The following MYRIP variants were observed in gnomAD, a reference collection of about 807,000 sequenced individuals.
MYRIP encodes myosin VIIA and Rab interacting protein, also known as rab effector MyRIP.
Under a neutral mutation model 98.0 loss-of-function variants are expected in MYRIP, and 49 were observed. The observed-to-expected ratio is 0.50, with a 90% CI of 0.40 to 0.63. MYRIP has a LOEUF of 0.63. MYRIP is among the 30% of genes least tolerant of loss of function. MYRIP has a pLI of 0.00. For synonymous variants in MYRIP, 404 were observed against 409.5 expected (o/e 0.99, Z 0.16); for missense variants, 1,004 against 1,058.2 (o/e 0.95, Z 0.71).
rs150545792 is a variant in MYRIP, at chr3:40,250,626, T to C, written c.2428+127T>C. 4.8e-3 allele frequency: 5,421 copies of C among 1,129,700 alleles called. 25 individuals carry two copies. The highest frequency in any genetic ancestry group is 6.4e-3 in the Non-Finnish European group (5,053 of 784,426). The allele number at this position is 1,129,700 out of a possible 1,614,324, so 70.0% of individuals were successfully genotyped here. A position where few individuals can be genotyped will look rare whatever the true frequency, so the allele number is the denominator to read the frequency against. ...GTTCTCACACAGAATTGCTCTTGTC[T>C]ATCTTGATTTGGGTCCCCCCAGAAG... On this transcript the variant is annotated intron_variant, in intron 15 of 16. Coordinates refer to ENST00000302541, the MANE Select transcript of MYRIP (RefSeq NM_015460.4).
At chr3:39,935,735 G>T (rs1944641110) in intron 2 of MYRIP, among the ~76,000 whole-genome samples, 1 of 152,124 alleles carries the variant, frequency 6.6e-6, no homozygotes, top group African/African-American at 2.4e-5. Context: ...TGATGTCAAG[G>T]ACAAGCAGGA....
intron 1 of MYRIP, among the ~76,000 whole-genome samples, chr3:39,899,266 T>C (rs1409362301): frequency 1.3e-5 from 2 of 152,210 alleles, no homozygotes; most frequent in Admixed American, 6.5e-5. Context: ...CTCAACATTA[T>C]GTTAAGATTT....
At chr3:40,121,420 A>G (rs1036485522) in intron 3 of MYRIP, among the ~76,000 whole-genome samples, 3 of 151,926 alleles carry the variant, frequency 2.0e-5, no homozygotes, top group African/African-American at 7.3e-5. Flanking sequence ...TAAGGCAAGC[A>G]TTTTGACAAC....
At chr3:40,218,609 A>ATATTT (rs1434916839) in intron 11 of MYRIP, among the ~76,000 whole-genome samples, 15 of 127,388 alleles carry the variant, frequency 1.2e-4, no homozygotes, top group Middle Eastern at 3.8e-3. Context: ...ATATATATAT[A>ATATTT]TTTTATATAT....
At chr3:40,197,205 G>A (rs759826508) in intron 10 of MYRIP, among the ~76,000 whole-genome samples, 7 of 152,060 alleles carry the variant, frequency 4.6e-5, no homozygotes, top group South Asian at 2.1e-4. Flanking sequence ...CACAAGTCTC[G>A]TCCCTCACAT....
At chr3:39,901,056 T>C in intron 2 of MYRIP, 130 bp downstream of exon 2, 2 of 640,968 alleles carry the variant, frequency 3.1e-6, no homozygotes, top group Admixed American at 5.9e-5. Context: ...GAATGTCCTG[T>C]CCTTTGTAGA....
intron 1 of MYRIP, among the ~76,000 whole-genome samples, chr3:39,849,488 T>G (rs1942062944): frequency 1.3e-5 from 2 of 152,184 alleles, no homozygotes; most frequent in Non-Finnish European, 2.9e-5. Flanking sequence ...ATGGATGACC[T>G]GGGGAGACAG....
chr3:40,173,882 T>C (rs565203404), intron 8 of MYRIP: 1 of 152,406 alleles, frequency 6.6e-6, no homozygotes, highest in African/African-American at 2.4e-5. Flanking sequence ...CTCATGGCTA[T>C]GCTTTGACAT....
At chr3:40,085,161 T>C (rs933443000) in intron 3 of MYRIP, among the ~76,000 whole-genome samples, 3 of 148,338 alleles carry the variant, frequency 2.0e-5, no homozygotes, top group East Asian at 2.0e-4. Flanking sequence ...CTATGTGTTA[T>C]ATATCCACAG....
At chr3:39,904,241 GTTGTTTGT>G (rs913560111) in intron 2 of MYRIP, among the ~76,000 whole-genome samples, 4 of 151,956 alleles carry the variant, frequency 2.6e-5, no homozygotes, top group African/African-American at 7.2e-5. Flanking sequence ...TTCTTTGTTT[GTTGTTTGT>G]TTGTTTGTTT....
chr3:39,948,539 A>G (rs1285985181), intron 2 of MYRIP, among the ~76,000 whole-genome samples: 1 of 152,130 alleles, frequency 6.6e-6, no homozygotes, highest in Admixed American at 6.6e-5. Flanking sequence ...ATAAAACTTA[A>G]CACACATATT....
intron 1 of MYRIP, among the ~76,000 whole-genome samples, chr3:39,830,786 C>T (rs1434811796): frequency 6.6e-6 from 1 of 152,020 alleles, no homozygotes; most frequent in Non-Finnish European, 1.5e-5. Flanking sequence ...AGCTTACTTC[C>T]ACTCCGAGCT....
intron 10 of MYRIP, among the ~76,000 whole-genome samples, chr3:40,192,353 T>TATA (rs1491229160): frequency 7.2e-6 from 1 of 138,386 alleles, no homozygotes; most frequent in South Asian, 2.3e-4. Flanking sequence ...CATATATATA[T>TATA]TTATATTTAT....
At chr3:39,877,938 G>A (rs1441768341) in intron 1 of MYRIP, among the ~76,000 whole-genome samples, 1 of 152,196 alleles carries the variant, frequency 6.6e-6, no homozygotes, top group Non-Finnish European at 1.5e-5. Flanking sequence ...TCTGTGCCCT[G>A]CCCCCAGAGG....
chr3:39,873,141 G>A (rs1423785297), intron 1 of MYRIP, among the ~76,000 whole-genome samples: 3 of 152,152 alleles, frequency 2.0e-5, no homozygotes, highest in African/African-American at 7.2e-5. Context: ...ATCTTCTTTT[G>A]AGAAGTGTCT....
chr3:40,158,717 T>C (rs973089877), intron 4 of MYRIP, among the ~76,000 whole-genome samples: 1 of 151,984 alleles, frequency 6.6e-6, no homozygotes, highest in Non-Finnish European at 1.5e-5. Flanking sequence ...TACTTAGCTC[T>C]TCTTGTTGAA....
rs73827175 is a variant in MYRIP at position 40,238,344 on chromosome 3, G to C, written c.2100+4291G>C. Among the ~76,000 whole-genome samples the C allele has an allele frequency of 7.5e-3, 1,137 of 152,334 alleles. 8 individuals are homozygous for C. Among genetic ancestry groups the C allele is most frequent in the African/African-American group, 0.026 (1,097 of 41,568 alleles). ...CTGCTCCCGGATGGAATTCAGCTGA[G>C]CAGTGGGAGAAGCCAGGGCAGTTCT... is the stretch of plus-strand genomic sequence containing the variant. On this transcript the variant is annotated intron_variant, in intron 12 of 16. Coordinates refer to ENST00000302541, the MANE Select transcript of MYRIP (RefSeq NM_015460.4).
At chr3:40,071,056 G>A in intron 3 of MYRIP, 1 of 807,148 alleles carries the variant, frequency 1.2e-6, no homozygotes, top group Non-Finnish European at 1.5e-6. Context: ...AAAGCAAGAT[G>A]CATTTGCCTT....
intron 3 of MYRIP, among the ~76,000 whole-genome samples, chr3:40,107,114 G>A (rs1008519187): frequency 1.3e-5 from 2 of 152,194 alleles, no homozygotes; most frequent in Non-Finnish European, 2.9e-5. Flanking sequence ...AAACTTGAAT[G>A]GTGAGGGCAG....
Sources: allele counts gnomAD v4.1 joint callset (sites outside exome capture counted in the v4.1 genomes callset), GRCh38; gene constraint gnomAD v4.1.1; transcripts MANE v1.5; gene names NCBI Gene and HGNC (gene_info 2026-07-23, HGNC 2026-07-21).